ADSS2: variants seen among roughly 807,000 people sequenced by gnomAD.
The protein encoded by ADSS2 is adenylosuccinate synthase 2.
A neutral mutation model predicts 60.0 loss-of-function variants in ADSS2; 30 were observed. The observed-to-expected ratio is 0.50, with a 90% CI of 0.37 to 0.68. The LOEUF is 0.68. ADSS2 is among the 30% of genes least tolerant of loss of function. The probability of loss-of-function intolerance (pLI) is 0.00; values close to 1 mark genes in which losing one functional copy is unlikely to be tolerated. For missense variants in ADSS2, 373 were observed against 554.8 expected (o/e 0.67, Z 3.29); for synonymous variants, 187 against 193.1 (o/e 0.97, Z 0.26).
chr1:244,451,822 C>A lies in ADSS2; in HGVS notation c.-5G>T. 6.3e-7 allele frequency: 1 copy of A among 1,577,818 alleles called. No homozygotes were observed. Among genetic ancestry groups the A allele is most frequent in the Admixed American group, 1.8e-5 (1 of 56,316 alleles). Reference sequence around the variant, plus strand: ...GTAGGTCTCGGCGAACGCCATGGCTCCAGTGACGCGAGGAGAGCCCGAAGG... The same window carrying A: ...GTAGGTCTCGGCGAACGCCATGGCTACAGTGACGCGAGGAGAGCCCGAAGG... On this transcript the variant is annotated 5_prime_UTR_variant, in exon 1 of 13. An upstream open reading frame in the 5' UTR gains an earlier in-frame stop. Coordinates refer to ENST00000366535, the MANE Select transcript of ADSS2 (RefSeq NM_001126.5). This position sits in a 1 kb window ranked among gnomAD's most constrained non-coding sequence, Gnocchi z 6.6.
At chr1:244,438,136 C>A (rs182606037) in intron 1 of ADSS2, among the ~76,000 whole-genome samples, 383 of 152,198 alleles carry the variant, frequency 2.5e-3, no homozygotes, top group East Asian at 8.9e-3. Flanking sequence ...TACACACACA[C>A]AAAAAATCTC....
intron 1 of ADSS2, among the ~76,000 whole-genome samples, chr1:244,441,887 C>T (rs140330335): frequency 0.033 from 5,001 of 152,068 alleles, 284 homozygotes; most frequent in African/African-American, 0.11. Flanking sequence ...ACCCAGGAGG[C>T]GGAGCTTGCA....
chr1:244,429,329 T>A (rs1476254076), intron 4 of ADSS2, among the ~76,000 whole-genome samples: 3 of 152,172 alleles, frequency 2.0e-5, no homozygotes, highest in Non-Finnish European at 4.4e-5. Context: ...TTATGGAAAA[T>A]TTTTTAAATC....
In ADSS2 at chr1:244,435,194, A is replaced by AAAAAAAC. The variant is rs1553308065; in HGVS notation, c.355+1630_355+1631insGTTTTTT. Among the ~76,000 whole-genome samples the AAAAAAAC allele has an allele frequency of 4.5e-4, 58 of 127,898 alleles. 1 individual carries two copies. Among genetic ancestry groups the AAAAAAAC allele is most frequent in the African/African-American group, 1.8e-3 (55 of 31,130 alleles). 83.9% of individuals were successfully genotyped at this position (127,898 alleles called of 152,430 possible). On this transcript the variant is annotated intron_variant, in intron 3 of 12. Coordinates refer to ENST00000366535, the MANE Select transcript of ADSS2 (RefSeq NM_001126.5). The stretch of plus-strand genomic sequence containing the variant: ...AAAAAAAAAAAAAAAAAAAAAAAAA[A>AAAAAAAC]AAACAAACCTGAACATACTATAACA...
At chr1:244,417,310 G>A (rs1035897725) in intron 10 of ADSS2, among the ~76,000 whole-genome samples, 3 of 152,254 alleles carry the variant, frequency 2.0e-5, no homozygotes, top group Admixed American at 6.5e-5. Flanking sequence ...TCGCCTCCCG[G>A]CTGTACATGC....
At chr1:244,432,656 A>ATTTATTTT in intron 3 of ADSS2, 61 bp from the exon 4 acceptor site, 1 of 709,816 alleles carries the variant, frequency 1.4e-6, no homozygotes, top group Non-Finnish European at 2.1e-6. Flanking sequence ...TAAAATCTTA[A>ATTTATTTT]TTTCTTTTTT....
intron 11 of ADSS2, among the ~76,000 whole-genome samples, chr1:244,415,075 G>A (rs1664497297): frequency 6.6e-6 from 1 of 152,178 alleles, no homozygotes; most frequent in Non-Finnish European, 1.5e-5. Flanking sequence ...ACATGAAATG[G>A]ACAAGTTTTA....
chr1:244,434,024 C>A (rs905548040), intron 3 of ADSS2, among the ~76,000 whole-genome samples: 2 of 151,904 alleles, frequency 1.3e-5, no homozygotes, highest in Non-Finnish European at 1.5e-5. Context: ...GCTTTCATAG[C>A]ACAGGGCCTG....
At chr1:244,444,332 G>A (rs866577106) in intron 1 of ADSS2, among the ~76,000 whole-genome samples, 10 of 150,072 alleles carry the variant, frequency 6.7e-5, no homozygotes, top group African/African-American at 9.8e-5. Context: ...CGGCTAAAAC[G>A]GTGAAACCCC....
At chr1:244,418,278 A>G (rs529904014) in intron 9 of ADSS2, among the ~76,000 whole-genome samples, 1 of 152,234 alleles carries the variant, frequency 6.6e-6, no homozygotes, top group African/African-American at 2.4e-5. Flanking sequence ...TATCTCTTAT[A>G]TTCTGGCATC....
intron 1 of ADSS2, among the ~76,000 whole-genome samples, chr1:244,448,908 G>A (rs575837219): frequency 1.3e-5 from 2 of 152,190 alleles, no homozygotes; most frequent in Admixed American, 1.3e-4. Context: ...TTGACTCCCA[G>A]GCTAAGTGAT....
At chr1:244,418,629 G>A in intron 9 of ADSS2, 131 bp downstream of exon 9, 1 of 951,468 alleles carries the variant, frequency 1.1e-6, no homozygotes, top group Non-Finnish European at 1.5e-6. Flanking sequence ...CCAAAATTAT[G>A]TATTTAAGAA....
In ADSS2 at chr1:244,412,064, C is replaced by T. The variant is rs557436767; in HGVS notation, c.1169-628G>A. Among the ~76,000 whole-genome samples the T allele has an allele frequency of 3.3e-5, 5 of 152,296 alleles. No individual in the cohort carries two copies. In the South Asian group the frequency reaches 8.3e-4, roughly 25 times the overall value. ...CACAGTTCAGAGCCTCTGCAGCACT[C>T]GTCCTCCACCAAAGGGAGCTGCTGC... On this transcript the variant is annotated intron_variant, in intron 11 of 12. Coordinates refer to ENST00000366535, the MANE Select transcript of ADSS2 (RefSeq NM_001126.5).
At chr1:244,442,086 A>C (rs1665262268) in intron 1 of ADSS2, among the ~76,000 whole-genome samples, 1 of 152,242 alleles carries the variant, frequency 6.6e-6, no homozygotes, top group South Asian at 2.1e-4. Context: ...TAGCTATACC[A>C]ATATAATCAT....
intron 1 of ADSS2, among the ~76,000 whole-genome samples, chr1:244,442,679 C>G (rs77904480): frequency 0.013 from 1,905 of 152,224 alleles, 32 homozygotes; most frequent in African/African-American, 0.042. Context: ...TTCAGGAGAA[C>G]TGAGAAAGAG....
chr1:244,447,071 A>G (rs1665409306), intron 1 of ADSS2, among the ~76,000 whole-genome samples: 2 of 151,980 alleles, frequency 1.3e-5, no homozygotes, highest in Non-Finnish European at 2.9e-5. Context: ...AGCCACAGGA[A>G]CTCCCCTTCA....
intron 10 of ADSS2, 100 bp downstream of exon 10, chr1:244,417,528 A>G: frequency 3.5e-6 from 5 of 1,413,712 alleles, no homozygotes; most frequent in Non-Finnish European, 4.8e-6. Flanking sequence ...TATGGAGTCT[A>G]AAGAGTGAAA....
intron 1 of ADSS2, among the ~76,000 whole-genome samples, chr1:244,444,604 G>T (rs1164646093): frequency 2.7e-5 from 4 of 149,398 alleles, no homozygotes; most frequent in Non-Finnish European, 4.4e-5. Context: ...TCATCACAGA[G>T]CTATGAAATA....
chr1:244,426,185 T>C (rs886663698), intron 4 of ADSS2, among the ~76,000 whole-genome samples: 2 of 152,188 alleles, frequency 1.3e-5, no homozygotes, highest in Non-Finnish European at 2.9e-5. Flanking sequence ...AAATCAGTCA[T>C]GACAAGACTG....
Sources: gnomAD v4.1 joint callset for allele counts (sites outside exome capture counted in the v4.1 genomes callset) on GRCh38, gnomAD v4.1.1 for gene constraint, Gnocchi (gnomAD v3.1) non-coding constraint, MANE v1.5 for transcripts, NCBI Gene and HGNC (gene_info 2026-07-23, HGNC 2026-07-21) for gene names.